Variants in ACTR2 observed in about 807,000 individuals in gnomAD.
ACTR2 encodes the protein actin-related protein 2.
ACTR2 carries 5 observed loss-of-function variants against 50.2 expected under a neutral mutation model. That is an observed-to-expected ratio of 0.10 (90% CI 0.05 to 0.21). ACTR2 has a LOEUF of 0.21. Ranked by LOEUF, ACTR2 falls within the 10% of genes least tolerant of loss-of-function variation. ACTR2 has a pLI of 1.00. For synonymous variants in ACTR2, 140 were observed against 162.9 expected (o/e 0.86, Z 1.07); for missense variants, 180 against 480.6 (o/e 0.37, Z 5.85).
In ACTR2 at chr2:65,237,987, C is replaced by T. The variant is rs138988675; in HGVS notation, c.49-1865C>T. Among the ~76,000 whole-genome samples, 199 of 151,596 alleles carry T rather than the reference C, an allele frequency of 1.3e-3. 1 individual carries two copies. In the East Asian group the frequency reaches 0.018, roughly 14 times the overall value. On this transcript the variant is annotated intron_variant, in intron 1 of 8. Coordinates refer to ENST00000260641, the MANE Select transcript of ACTR2 (RefSeq NM_005722.4). The stretch of plus-strand genomic sequence containing the variant: ...CCAGCCTGGGCGACAGAGTGAGACT[C>T]TGTCTCAAAAAATAATAATGAAAAT...
chr2:65,251,817 C>T (rs1672057441), intron 4 of ACTR2, among the ~76,000 whole-genome samples: 1 of 152,078 alleles, frequency 6.6e-6, no homozygotes, highest in African/African-American at 2.4e-5. Context: ...GCATTTCTAA[C>T]TTTTGAGGTG....
intron 2 of ACTR2, among the ~76,000 whole-genome samples, chr2:65,242,245 C>G (rs915468401): frequency 2.0e-5 from 3 of 152,146 alleles, no homozygotes; most frequent in Non-Finnish European, 2.9e-5. Context: ...AAGTCCTATA[C>G]TTTCCTGATT....
At chr2:65,268,279 A>C (rs943487354) in intron 8 of ACTR2, among the ~76,000 whole-genome samples, 2 of 152,252 alleles carry the variant, frequency 1.3e-5, no homozygotes, top group African/African-American at 2.4e-5. Context: ...TTTACTGATC[A>C]AATTAGGACA....
At chr2:65,230,882 C>A (rs559856999) in intron 1 of ACTR2, among the ~76,000 whole-genome samples, 45 of 151,892 alleles carry the variant, frequency 3.0e-4, no homozygotes, top group African/African-American at 1.1e-3. Flanking sequence ...GGTGAAACCC[C>A]GTGTCTACTA....
At chr2:65,253,675 C>T in intron 4 of ACTR2, 53 bp from the exon 5 acceptor site, 3 of 1,587,336 alleles carry the variant, frequency 1.9e-6, no homozygotes, top group Non-Finnish European at 2.6e-6. Context: ...AACTCGCTGG[C>T]TTTGGTTTTC....
intron 2 of ACTR2, among the ~76,000 whole-genome samples, chr2:65,244,000 T>C (rs1327545753): frequency 6.6e-6 from 1 of 152,186 alleles, no homozygotes; most frequent in Non-Finnish European, 1.5e-5. Context: ...ATTGGATAGC[T>C]TGTATAGTCA....
chr2:65,244,995 ATAAGT>A (rs1426099209), intron 2 of ACTR2, among the ~76,000 whole-genome samples: 2 of 152,062 alleles, frequency 1.3e-5, no homozygotes, highest in East Asian at 3.9e-4. Flanking sequence ...TATTTGAGTA[ATAAGT>A]TAGTAAGTTA....
chr2:65,231,033 G>A (rs1285320135), intron 1 of ACTR2, among the ~76,000 whole-genome samples: 2 of 149,338 alleles, frequency 1.3e-5, no homozygotes, highest in African/African-American at 5.0e-5. Context: ...CAGCCTGGGC[G>A]ACAGAGTGAG....
In ACTR2 at chr2:65,239,465, C is replaced by CA. The variant is rs538436829; in HGVS notation, c.49-379dup. 5.9e-5 allele frequency among the ~76,000 whole-genome samples: 9 copies of CA among 152,070 alleles called. No individual in the cohort carries two copies. In the South Asian group the frequency reaches 1.0e-3, roughly 18 times the overall value. Reference sequence around the variant, plus strand: ...GTGAAACTCCGTCTCAAAACAAAAACAAAAAAAACCTTAGCATTTGTTCAG... The same window carrying CA: ...GTGAAACTCCGTCTCAAAACAAAAACAAAAAAAAACCTTAGCATTTGTTCAG... On this transcript the variant is annotated intron_variant, in intron 1 of 8. Coordinates refer to ENST00000260641, the MANE Select transcript of ACTR2 (RefSeq NM_005722.4).
Position 65,227,889 on chromosome 2 carries a change from C to A in ACTR2, c.-21C>A. ...GTGGCTGTAGGTTGTGCGGCTGCAG[C>A]GGCTCTTCCCTGGGCGGACGATGGA... On this transcript the variant is annotated 5_prime_UTR_variant, in exon 1 of 9. Coordinates refer to ENST00000260641, the MANE Select transcript of ACTR2 (RefSeq NM_005722.4). 3.3e-6 allele frequency: 5 copies of A among 1,505,308 alleles called. No homozygotes were observed. The highest frequency in any genetic ancestry group is 3.5e-6 in the Non-Finnish European group (4 of 1,126,784). The allele number at this position is 1,505,308 out of a possible 1,614,324, so 93.2% of individuals were successfully genotyped here. A position where few individuals can be genotyped will look rare whatever the true frequency, so the allele number is the denominator to read the frequency against.
intron 3 of ACTR2, among the ~76,000 whole-genome samples, chr2:65,249,404 A>G (rs1192299118): frequency 6.6e-6 from 1 of 152,192 alleles, no homozygotes; most frequent in African/African-American, 2.4e-5. Flanking sequence ...TATGACTACA[A>G]ATATGTCTAT....
chr2:65,256,827 G>A (rs1406028001), intron 6 of ACTR2, among the ~76,000 whole-genome samples: 4 of 148,898 alleles, frequency 2.7e-5, no homozygotes, highest in South Asian at 2.1e-4. Flanking sequence ...AGCTGAGATC[G>A]TGCCACTGCA....
chr2:65,231,702 T>A (rs112538620), intron 1 of ACTR2, among the ~76,000 whole-genome samples: 1 of 152,170 alleles, frequency 6.6e-6, no homozygotes, highest in African/African-American at 2.4e-5. Flanking sequence ...ACAGGCTTTT[T>A]AAAAAGTTAC....
chr2:65,268,032 T>G (rs1384460437), intron 8 of ACTR2, among the ~76,000 whole-genome samples: 4 of 151,882 alleles, frequency 2.6e-5, no homozygotes, highest in Non-Finnish European at 4.4e-5. Context: ...AGAGACGGGG[T>G]TTCACTGTGT....
intron 1 of ACTR2, among the ~76,000 whole-genome samples, chr2:65,235,791 T>G (rs1484551143): frequency 6.6e-6 from 1 of 152,070 alleles, no homozygotes; most frequent in Admixed American, 6.5e-5. Flanking sequence ...AGAATTGTAT[T>G]ATACTTTTAG....
intron 6 of ACTR2, among the ~76,000 whole-genome samples, chr2:65,258,151 T>C (rs1171968701): frequency 6.6e-6 from 1 of 152,202 alleles, no homozygotes; most frequent in Non-Finnish European, 1.5e-5. Context: ...GTTGTCTGAT[T>C]TTCCATCTAC....
intron 1 of ACTR2, among the ~76,000 whole-genome samples, chr2:65,229,849 G>A (rs1416276331): frequency 1.3e-5 from 2 of 151,874 alleles, no homozygotes; most frequent in African/African-American, 4.8e-5. Context: ...CTATGGAAAC[G>A]TCTAAGATTT....
chr2:65,244,406 T>C (rs932348829), intron 2 of ACTR2, among the ~76,000 whole-genome samples: 2 of 152,188 alleles, frequency 1.3e-5, no homozygotes, highest in Non-Finnish European at 2.9e-5. Context: ...ATTAAGAAAA[T>C]GTAGCAATAT....
At chr2:65,247,645 G>A (rs897332509) in intron 3 of ACTR2, among the ~76,000 whole-genome samples, 2 of 152,116 alleles carry the variant, frequency 1.3e-5, no homozygotes, top group Admixed American at 6.5e-5. Flanking sequence ...AGTGGATGTA[G>A]ATCATCATAA....
Sources: allele counts gnomAD v4.1 joint callset (sites outside exome capture counted in the v4.1 genomes callset), GRCh38; gene constraint gnomAD v4.1.1; transcripts MANE v1.5; gene names NCBI Gene and HGNC (gene_info 2026-07-23, HGNC 2026-07-21).